Variants in PSMD2 observed in about 807,000 individuals in gnomAD.
The protein encoded by PSMD2 is proteasome 26S subunit ubiquitin receptor, non-ATPase 2.
PSMD2 carries 8 observed loss-of-function variants against 101.5 expected under a neutral mutation model. The observed-to-expected ratio is 0.08, with a 90% CI of 0.05 to 0.14. The LOEUF is 0.14. PSMD2 is among the 10% of genes least tolerant of loss of function. The pLI is 1.00. For missense variants in PSMD2, 784 were observed against 1,147.4 expected (o/e 0.68, Z 4.58); for synonymous variants, 418 against 433.8 (o/e 0.96, Z 0.45).
intron 10 of PSMD2, 21 bp downstream of exon 10, chr3:184,303,770 C>T: frequency 6.2e-7 from 1 of 1,610,632 alleles, no homozygotes; most frequent in Non-Finnish European, 8.5e-7. Flanking sequence ...ATACAGCCTG[C>T]TCATGGGGAC....
At chr3:184,300,237 G>A (rs781490325) in intron 2 of PSMD2, 43 bp from the exon 3 acceptor site, 2 of 1,550,700 alleles carry the variant, frequency 1.3e-6, no homozygotes, top group East Asian at 2.2e-5. Context: ...GACTTGAAGG[G>A]GTGTGACTCC....
intron 9 of PSMD2, 51 bp downstream of exon 9, chr3:184,303,517 T>C (rs754525853): frequency 6.2e-7 from 1 of 1,608,622 alleles, no homozygotes; most frequent in South Asian, 1.1e-5. Context: ...TCACTTCTTT[T>C]GTCCTCTTGG....
intron 6 of PSMD2, 24 bp downstream of exon 6, chr3:184,302,552 A>C (rs747364481): frequency 7.4e-6 from 12 of 1,613,188 alleles, no homozygotes; most frequent in Admixed American, 5.0e-5. Context: ...AAGCTGGCAA[A>C]GAGATAAGCT....
Position 184,300,053 on chromosome 3 carries a change from G to T in PSMD2, c.192+146G>T, listed in dbSNP as rs144161168. The T allele has an allele frequency of 0.013, 11,230 of 893,992 alleles. 123 individuals carry two copies. The highest frequency in any genetic ancestry group is 0.017 in the Non-Finnish European group (9,434 of 557,064). 55.4% of individuals were successfully genotyped at this position (893,992 alleles called of 1,614,324 possible). A position where few individuals can be genotyped will look rare whatever the true frequency, so the allele number is the denominator to read the frequency against. The stretch of plus-strand genomic sequence containing the variant: ...TTGGGAGGCAGGAGAGTTACAAAGG[G>T]TATTTGTACAGTTTTGCAGCTTTCT... On this transcript the variant is annotated intron_variant, in intron 2 of 20. Coordinates refer to ENST00000310118, the MANE Select transcript of PSMD2 (RefSeq NM_002808.5).
In PSMD2 at chr3:184,303,196, G is replaced by C. The variant is rs577336962; in HGVS notation, c.1070-124G>C. The C allele has an allele frequency of 1.6e-4, 245 of 1,492,800 alleles. 2 individuals are homozygous for C. Among genetic ancestry groups the C allele is most frequent in the South Asian group, 9.6e-4 (83 of 86,202 alleles). The allele number at this position is 1,492,800 out of a possible 1,614,324, so 92.5% of individuals were successfully genotyped here. The stretch of plus-strand genomic sequence containing the variant: ...TGAATCTTTTTCAGGTCACTGCTTG[G>C]GGGGGTATAGGTAGAGGATACTAAG... On this transcript the variant is annotated intron_variant, in intron 8 of 20. Transcript: ENST00000310118.
chr3:184,299,259 C>A lies in PSMD2; in HGVS notation c.-8C>A. ...TGCGCGCGCAGCGGGCCGGCAGTGGCGGCGGAGATGGAGGAGGGAGGCCGG... is the reference window on the plus strand; with the variant it reads ...TGCGCGCGCAGCGGGCCGGCAGTGGAGGCGGAGATGGAGGAGGGAGGCCGG... On this transcript the variant is annotated 5_prime_UTR_variant, in exon 1 of 21. Transcript: ENST00000310118. 1 of 1,333,370 alleles carries A rather than the reference C, an allele frequency of 7.5e-7. No homozygotes were observed. Among genetic ancestry groups the A allele is most frequent in the South Asian group, 1.8e-5 (1 of 54,214 alleles). 82.6% of individuals were successfully genotyped at this position (1,333,370 alleles called of 1,614,324 possible).
At chr3:184,300,158 A>C in intron 2 of PSMD2, 122 bp from the exon 3 acceptor site, 1 of 1,104,084 alleles carries the variant, frequency 9.1e-7, no homozygotes, top group Non-Finnish European at 1.3e-6. Context: ...GAGTTGAGGA[A>C]TCACAGATGA....
chr3:184,305,612 C>T (rs749301351), intron 12 of PSMD2, among the ~76,000 whole-genome samples, 156 bp from the exon 13 acceptor site: 1 of 151,934 alleles, frequency 6.6e-6, no homozygotes, highest in African/African-American at 2.4e-5. Flanking sequence ...ATAGTATATA[C>T]TCAATGAATA....
chr3:184,306,880 C>A, intron 16 of PSMD2, 46 bp downstream of exon 16: 1 of 1,500,608 alleles, frequency 6.7e-7, no homozygotes, highest in Non-Finnish European at 9.2e-7. Flanking sequence ...TTTTGATGGC[C>A]TGGGGTTCCC....
chr3:184,300,614 G>C (rs1456820766), intron 3 of PSMD2, 170 bp downstream of exon 3: 3 of 1,412,046 alleles, frequency 2.1e-6, no homozygotes, highest in African/African-American at 2.9e-5. Context: ...AGGAAGGTCA[G>C]CTTCTCAGAA....
Position 184,301,565 on chromosome 3 carries a change from T to G in PSMD2, c.386T>G (p.Leu129Trp). The change falls in exon 4 of 21, where the codon TTG becomes TGG. Residue 129 changes from leucine to tryptophan, a missense_variant. Leu to Trp is a moderately conservative substitution (Grantham distance 61, BLOSUM62 -2). Coordinates refer to ENST00000310118, the MANE Select transcript of PSMD2 (RefSeq NM_002808.5). The stretch of plus-strand genomic sequence containing the variant: ...TTTGCTGCTGACATCATCTCCGTTT[T>G]GGCCATGACCATGAGTGGGGAGCGT... ...KRFAADIISV[L>W]AMTMSGEREC... 1 of 1,613,994 alleles carries G rather than the reference T, an allele frequency of 6.2e-7. No individual in the cohort carries two copies. Among genetic ancestry groups the G allele is most frequent in the South Asian group, 1.1e-5 (1 of 91,076 alleles).
At chr3:184,301,370 C>G (rs1395773702) in intron 3 of PSMD2, among the ~76,000 whole-genome samples, 167 bp from the exon 4 acceptor site, 1 of 151,722 alleles carries the variant, frequency 6.6e-6, no homozygotes, top group Non-Finnish European at 1.5e-5. Context: ...GCAACAACAC[C>G]AACCTTGGTT....
At position 184,301,943 on chromosome 3, in the gene PSMD2, C is replaced by A. The variant is rs756892810; in HGVS notation, c.576C>A (p.Val192=). Reference sequence around the variant, plus strand: ...TGCTCACTCTGGTGAAGGAAATCGTCCCCTATAACATGGCCCACAATGCAG... The same window carrying A: ...TGCTCACTCTGGTGAAGGAAATCGTACCCTATAACATGGCCCACAATGCAG... ...EPLLTLVKEI[V]PYNMAHNAEH... Residue 192 remains valine (V), a synonymous_variant, in exon 5 of 21, where the codon GTC becomes GTA. Coordinates refer to ENST00000310118, the MANE Select transcript of PSMD2 (RefSeq NM_002808.5). 2 of 1,614,214 alleles carry A rather than the reference C, an allele frequency of 1.2e-6. No homozygotes were observed. Among genetic ancestry groups the A allele is most frequent in the South Asian group, 2.2e-5 (2 of 91,086 alleles).
intron 3 of PSMD2, 105 bp downstream of exon 3, chr3:184,300,549 C>G: frequency 2.0e-6 from 3 of 1,483,708 alleles, no homozygotes; most frequent in South Asian, 2.8e-5. Context: ...AGACCTAAGC[C>G]GTGATCTATT....
Position 184,302,497 on chromosome 3 carries a change from G to A in PSMD2, c.832G>A (p.Val278Ile). ...ATTGATGCTCAATGACATGGAGTTG[G>A]TAGAAGACATCTTCACCTCCTGCAA... ...LALMLNDMEL[V>I]EDIFTSCKDV... The change falls in exon 6 of 21, where the codon GTA becomes ATA. Residue 278 changes from valine (V) to isoleucine (I), a missense_variant. This residue lies in a region of PSMD2 where 208 missense variants were observed against 301.6 expected (regional missense o/e 0.69). Transcript: ENST00000310118. 2 of 1,614,146 alleles carry A rather than the reference G, an allele frequency of 1.2e-6. No homozygotes were observed. The highest frequency in any genetic ancestry group is 2.2e-5 in the South Asian group (2 of 91,080).
chr3:184,300,018 TATG>T (rs1298576566), intron 2 of PSMD2, 111 bp downstream of exon 2: 5 of 1,054,782 alleles, frequency 4.7e-6, no homozygotes, highest in African/African-American at 4.7e-5. Flanking sequence ...GGGTCAGTGT[TATG>T]ATGATGTTGG....
intron 12 of PSMD2, among the ~76,000 whole-genome samples, chr3:184,305,430 G>A (rs1054574140): frequency 6.6e-6 from 1 of 151,516 alleles, no homozygotes; most frequent in African/African-American, 2.4e-5. Context: ...TGGAGGTTGC[G>A]GTGAGCCAAA....
At chr3:184,303,137 C>CAACATGCTT in intron 8 of PSMD2, 75 bp downstream of exon 8, 2 of 1,540,294 alleles carry the variant, frequency 1.3e-6, no homozygotes, top group Non-Finnish European at 1.8e-6. Flanking sequence ...ATGGCTTGGC[C>CAACATGCTT]AACATGCTTA....
Position 184,307,642 on chromosome 3 carries a change from G to C in PSMD2, c.2232G>C (p.Met744Ile). Residue 744 changes from methionine (M) to isoleucine (I), a missense_variant, in exon 18 of 21, where the codon ATG becomes ATC. Physicochemically the swap from Met to Ile is conservative, Grantham distance 10. Around this residue, in one of 6 missense-constraint regions of PSMD2, gnomAD observed 282 missense variants for 437.6 expected, o/e 0.64. Coordinates refer to ENST00000310118, the MANE Select transcript of PSMD2 (RefSeq NM_002808.5). ...CCAATAATGCCCGTCTGGCTGCAAT[G>C]CTGCGCCAGTTAGCTCAATATCATG... is the stretch of plus-strand genomic sequence containing the variant. The part of the protein sequence containing the change: ...SGTNNARLAA[M>I]LRQLAQYHAK... The C allele has an allele frequency of 6.2e-7, 1 of 1,614,150 alleles. No homozygotes were observed. Among genetic ancestry groups the C allele is most frequent in the Non-Finnish European group, 8.5e-7 (1 of 1,180,038 alleles).
Sources: allele counts gnomAD v4.1 joint callset (sites outside exome capture counted in the v4.1 genomes callset), GRCh38; gene constraint gnomAD v4.1.1; regional missense constraint gnomAD v4.1.1; transcripts MANE v1.5; gene names NCBI Gene and HGNC (gene_info 2026-07-23, HGNC 2026-07-21).